The following MYO5B variants were observed in gnomAD, a reference collection of about 807,000 sequenced individuals.
The protein encoded by MYO5B is myosin VB, also known as unconventional myosin-Vb.
Under a neutral mutation model 229.3 loss-of-function variants are expected in MYO5B, and 143 were observed. The observed-to-expected ratio is 0.62, with a 90% CI of 0.54 to 0.72. MYO5B has a LOEUF of 0.72. Ranked by LOEUF, MYO5B falls within the 30% of genes least tolerant of loss-of-function variation. MYO5B has a pLI of 0.00. For synonymous variants in MYO5B, 918 were observed against 885.2 expected (o/e 1.04, Z -0.66); for missense variants, 2,321 against 2,331.0 (o/e 1.00, Z 0.09).
intron 1 of MYO5B, among the ~76,000 whole-genome samples, chr18:50,059,966 G>A (rs2030647256): frequency 6.6e-6 from 1 of 152,178 alleles, no homozygotes. Context: ...GAACTAAGAA[G>A]GGAGAGACAA....
intron 4 of MYO5B, among the ~76,000 whole-genome samples, chr18:50,033,547 A>G (rs1338338493): frequency 6.6e-6 from 1 of 152,190 alleles, no homozygotes; most frequent in East Asian, 1.9e-4. Context: ...CTATCAAATA[A>G]CTGATACTTT....
intron 4 of MYO5B, among the ~76,000 whole-genome samples, chr18:50,012,695 CTA>C (rs1433950586): frequency 6.6e-6 from 1 of 152,244 alleles, no homozygotes; most frequent in Admixed American, 6.5e-5. Context: ...TTCCAGGGAA[CTA>C]TTGCTCAGCA....
At chr18:49,940,245 T>C (rs886402287) in intron 14 of MYO5B, among the ~76,000 whole-genome samples, 2 of 152,138 alleles carry the variant, frequency 1.3e-5, no homozygotes, top group African/African-American at 4.8e-5. Context: ...CACATTACAG[T>C]CTACAGTGGG....
intron 1 of MYO5B, among the ~76,000 whole-genome samples, chr18:50,178,452 G>A (rs985853619): frequency 6.6e-6 from 1 of 152,200 alleles, no homozygotes; most frequent in Non-Finnish European, 1.5e-5. Context: ...CTCAGCAACA[G>A]AAAACACTTG....
intron 1 of MYO5B, among the ~76,000 whole-genome samples, chr18:50,110,411 TC>T (rs1007092318): frequency 2.0e-4 from 30 of 152,304 alleles, no homozygotes; most frequent in African/African-American, 7.0e-4. Context: ...TGATAGGCAC[TC>T]AAGGATTTGG....
At chr18:50,088,941 T>TA (rs1319323678) in intron 1 of MYO5B, among the ~76,000 whole-genome samples, 1 of 152,252 alleles carries the variant, frequency 6.6e-6, no homozygotes, top group East Asian at 1.9e-4. Flanking sequence ...TTTTTGCTCC[T>TA]AGACTTGTGA....
At chr18:49,977,983 A>T (rs1416580921) in intron 9 of MYO5B, among the ~76,000 whole-genome samples, 1 of 152,232 alleles carries the variant, frequency 6.6e-6, no homozygotes, top group Non-Finnish European at 1.5e-5. Flanking sequence ...AACCTTGGCC[A>T]TCTCGACTTA....
At chr18:49,961,944 A>G (rs972441390) in intron 12 of MYO5B, among the ~76,000 whole-genome samples, 4 of 152,216 alleles carry the variant, frequency 2.6e-5, no homozygotes, top group African/African-American at 9.7e-5. Context: ...GATGCCCATT[A>G]GATGTTGCAG....
intron 1 of MYO5B, among the ~76,000 whole-genome samples, chr18:50,066,744 C>T (rs2030829491): frequency 1.3e-5 from 2 of 152,188 alleles, no homozygotes; most frequent in South Asian, 4.1e-4. Flanking sequence ...TACCCTAAGA[C>T]CTTAAAAAGT....
At chr18:49,917,986 A>T (rs2025035183) in intron 17 of MYO5B, among the ~76,000 whole-genome samples, 2 of 152,218 alleles carry the variant, frequency 1.3e-5, no homozygotes, top group African/African-American at 4.8e-5. Flanking sequence ...CCAATATGGG[A>T]TGGGCCAGGA....
chr18:49,863,123 TGCTGA>T, intron 29 of MYO5B, 99 bp downstream of exon 29: 1 of 862,806 alleles, frequency 1.2e-6, no homozygotes. Context: ...AATTCTCTGA[TGCTGA>T]GCACATGGTC....
intron 28 of MYO5B, among the ~76,000 whole-genome samples, chr18:49,863,761 G>A (rs542114812): frequency 2.0e-5 from 3 of 152,300 alleles, no homozygotes; most frequent in African/African-American, 7.2e-5. Flanking sequence ...GCTCTAGTCT[G>A]CCCCAGAAAG....
intron 1 of MYO5B, among the ~76,000 whole-genome samples, chr18:50,068,010 C>T (rs2030864126): frequency 6.8e-6 from 1 of 146,572 alleles, no homozygotes; most frequent in African/African-American, 2.6e-5. Context: ...TACATATATA[C>T]ACACACGTAC....
intron 2 of MYO5B, among the ~76,000 whole-genome samples, chr18:50,049,291 A>G (rs1034158243): frequency 2.6e-5 from 4 of 152,234 alleles, no homozygotes; most frequent in African/African-American, 9.6e-5. Flanking sequence ...ATAATTTTTA[A>G]TGAATGAATG....
rs201626915 is a variant in MYO5B at position 49,942,622 on chromosome 18, C to A, written c.1753-5225G>T. On this transcript the variant is annotated intron_variant, in intron 14 of 39. Coordinates refer to ENST00000285039, the MANE Select transcript of MYO5B (RefSeq NM_001080467.3). The stretch of plus-strand genomic sequence containing the variant: ...AAAAGACACATGAAAAAATGCTCAT[C>A]ATCACTGGCCATCAGAGAAATGCAA... Among the ~76,000 whole-genome samples the A allele has an allele frequency of 5.9e-3, 892 of 152,038 alleles. 15 individuals carry two copies. Among genetic ancestry groups the A allele is most frequent in the East Asian group, 0.036 (187 of 5,166 alleles).
intron 1 of MYO5B, among the ~76,000 whole-genome samples, chr18:50,128,258 C>A (rs949180): frequency 0.59 from 89,895 of 151,938 alleles, 26,807 homozygotes; most frequent in Admixed American, 0.69. Flanking sequence ...GAATGAAAAG[C>A]GAAGATGTGA....
intron 14 of MYO5B, among the ~76,000 whole-genome samples, chr18:49,941,068 T>C (rs2025308024): frequency 6.6e-6 from 1 of 152,224 alleles, no homozygotes; most frequent in African/African-American, 2.4e-5. Context: ...TAATGGGTTA[T>C]AAAGCCATGA....
chr18:49,876,170 T>C, intron 25 of MYO5B: 3 of 364,538 alleles, frequency 8.2e-6, no homozygotes, highest in Non-Finnish European at 1.6e-5. Context: ...TGGAAAATGG[T>C]CTCACACCAG....
intron 4 of MYO5B, among the ~76,000 whole-genome samples, chr18:50,021,299 C>T (rs774190922): frequency 5.9e-5 from 9 of 152,164 alleles, no homozygotes; most frequent in Non-Finnish European, 1.0e-4. Flanking sequence ...AGCACAGGTT[C>T]TCCAGATTCA....
Sources: gnomAD v4.1 joint callset for allele counts (sites outside exome capture counted in the v4.1 genomes callset) on GRCh38, gnomAD v4.1.1 for gene constraint, MANE v1.5 for transcripts, NCBI Gene and HGNC (gene_info 2026-07-23, HGNC 2026-07-21) for gene names.